The following MARCHF3 variants were observed in gnomAD, a reference collection of about 807,000 sequenced individuals.
MARCHF3 encodes membrane associated ring-CH-type finger 3.
A neutral mutation model predicts 24.2 loss-of-function variants in MARCHF3; 13 were observed. That is an observed-to-expected ratio of 0.54 (90% CI 0.35 to 0.85). The LOEUF is 0.85. MARCHF3 is among the 40% of genes least tolerant of loss of function. The probability of loss-of-function intolerance (pLI) is 0.01; values close to 1 mark genes in which losing one functional copy is unlikely to be tolerated. For synonymous variants in MARCHF3, 144 were observed against 137.3 expected (o/e 1.05, Z -0.34); for missense variants, 276 against 325.0 (o/e 0.85, Z 1.16).
At chr5:126,936,071 A>G (rs1026043834) in intron 1 of MARCHF3, among the ~76,000 whole-genome samples, 1 of 152,262 alleles carries the variant, frequency 6.6e-6, no homozygotes, top group South Asian at 2.1e-4. Context: ...CTACACACCG[A>G]AAGAGTGTTT....
chr5:126,918,175 AACAG>A lies in MARCHF3; in HGVS notation c.-8_-5del, dbSNP rs781001059. On this transcript the variant is annotated 5_prime_UTR_variant, in exon 2 of 5. Coordinates refer to ENST00000308660, the MANE Select transcript of MARCHF3 (RefSeq NM_178450.5). Reference sequence around the variant, plus strand: ...GACTGCAGCGGCTGGTTGTCATGGTAACAGACAGCAATTACTCTGCTAATGGCTT... The same window carrying A: ...GACTGCAGCGGCTGGTTGTCATGGTAACAGCAATTACTCTGCTAATGGCTT... 18 of 1,611,508 alleles carry A rather than the reference AACAG, an allele frequency of 1.1e-5. No individual in the cohort carries two copies. The highest frequency in any genetic ancestry group is 3.3e-5 in the Admixed American group (2 of 59,840).
At position 126,929,259 on chromosome 5, in the gene MARCHF3, C is replaced by T. The variant is rs184704507; in HGVS notation, c.-56-11032G>A. 7.9e-5 allele frequency among the ~76,000 whole-genome samples: 12 copies of T among 152,192 alleles called. No homozygotes were observed. The East Asian group carries it at 1.5e-3, about 20-fold the overall frequency. ...TCTCTTTCCTGTATTTTCTGGAACC[C>T]CAGGATTGGCTTGATTCATTTCAGG... On this transcript the variant is annotated intron_variant, in intron 1 of 4. Transcript: ENST00000308660.
At chr5:126,938,048 C>T (rs1749703643) in intron 1 of MARCHF3, among the ~76,000 whole-genome samples, 1 of 151,856 alleles carries the variant, frequency 6.6e-6, no homozygotes, top group South Asian at 2.1e-4. Flanking sequence ...CTAAATTTTA[C>T]AATACATAGT....
rs1753364275 is a variant in MARCHF3, at chr5:126,882,207, AC to A, written c.394-3814del. Among the ~76,000 whole-genome samples, 4 of 152,310 alleles carry A rather than the reference AC, an allele frequency of 2.6e-5. No homozygotes were observed. The South Asian group carries it at 8.3e-4, about 32-fold the overall frequency. On this transcript the variant is annotated intron_variant, in intron 3 of 4. Coordinates refer to ENST00000308660, the MANE Select transcript of MARCHF3 (RefSeq NM_178450.5). ...TTTCCTGCTAACATTTTCTTTTTGT[AC>A]CAAATGGCATTTGTGTGTGTATGCT...
chr5:126,999,864 A>T (rs990813536), intron 1 of MARCHF3, among the ~76,000 whole-genome samples: 7 of 152,120 alleles, frequency 4.6e-5, no homozygotes, highest in African/African-American at 1.7e-4. Context: ...TTGAATCCAT[A>T]TTATGGAAAC....
intron 1 of MARCHF3, among the ~76,000 whole-genome samples, chr5:126,955,078 C>A (rs746181740): frequency 6.6e-6 from 1 of 152,204 alleles, no homozygotes; most frequent in Non-Finnish European, 1.5e-5. Context: ...TGAAATCTAT[C>A]CATGTTGATA....
rs527302630 is a variant in MARCHF3, at chr5:126,983,243, A to G, written c.-57+47107T>C. On this transcript the variant is annotated intron_variant, in intron 1 of 4. Transcript: ENST00000308660. ...TTCACAAGAATGCTGCCTGTTTTTC[A>G]GTAAATGAAGGGACAGATGATCCTT... Among the ~76,000 whole-genome samples, 9 of 152,318 alleles carry G rather than the reference A, an allele frequency of 5.9e-5. No homozygotes were observed. In the South Asian group the frequency reaches 1.7e-3, roughly 28 times the overall value.
At chr5:126,966,712 C>A (rs1379645493) in intron 1 of MARCHF3, among the ~76,000 whole-genome samples, 1 of 151,756 alleles carries the variant, frequency 6.6e-6, no homozygotes, top group East Asian at 1.9e-4. Flanking sequence ...CATATTTAAT[C>A]CTCTCTGAAT....
chr5:127,003,279 A>G (rs1050277029), intron 1 of MARCHF3, among the ~76,000 whole-genome samples: 1 of 151,294 alleles, frequency 6.6e-6, no homozygotes, highest in Admixed American at 6.6e-5. Context: ...GGAGATCAAG[A>G]CCACAGTGAA....
At chr5:126,888,155 C>T (rs1373897938) in intron 3 of MARCHF3, among the ~76,000 whole-genome samples, 2 of 152,250 alleles carry the variant, frequency 1.3e-5, no homozygotes, top group South Asian at 2.1e-4. Context: ...TATATAAGAC[C>T]ATTTGCTTGG....
At chr5:126,937,265 C>A (rs1749675661) in intron 1 of MARCHF3, among the ~76,000 whole-genome samples, 1 of 152,182 alleles carries the variant, frequency 6.6e-6, no homozygotes, top group South Asian at 2.1e-4. Context: ...CAGACAATGA[C>A]CCAGACAGGA....
At chr5:126,924,236 C>T (rs574623991) in intron 1 of MARCHF3, among the ~76,000 whole-genome samples, 10 of 152,198 alleles carry the variant, frequency 6.6e-5, no homozygotes, top group Non-Finnish European at 1.2e-4. Flanking sequence ...CAGAGTTCTG[C>T]GTCATTAATG....
chr5:126,918,192 C>T lies in MARCHF3; in HGVS notation c.-21G>A, dbSNP rs757301262. The T allele has an allele frequency of 6.2e-7, 1 of 1,601,380 alleles. No homozygotes were observed. The highest frequency in any genetic ancestry group is 1.1e-5 in the South Asian group (1 of 89,514). The stretch of plus-strand genomic sequence containing the variant: ...GTCATGGTAACAGACAGCAATTACT[C>T]TGCTAATGGCTTCCACATTCATACA... On this transcript the variant is annotated 5_prime_UTR_variant, in exon 2 of 5. Coordinates refer to ENST00000308660, the MANE Select transcript of MARCHF3 (RefSeq NM_178450.5).
At chr5:126,914,185 G>A (rs1184591310) in intron 3 of MARCHF3, among the ~76,000 whole-genome samples, 2 of 151,636 alleles carry the variant, frequency 1.3e-5, no homozygotes, top group East Asian at 3.9e-4. Context: ...GGGTTTCACA[G>A]TGTTAGCCAG....
At chr5:126,912,758 T>C (rs1324943349) in intron 3 of MARCHF3, among the ~76,000 whole-genome samples, 1 of 152,258 alleles carries the variant, frequency 6.6e-6, no homozygotes, top group African/African-American at 2.4e-5. Context: ...CTTCTTTTTA[T>C]TGCTTGTGGT....
intron 1 of MARCHF3, among the ~76,000 whole-genome samples, chr5:126,967,163 G>C (rs2126826473): frequency 6.6e-6 from 1 of 151,542 alleles, no homozygotes; most frequent in South Asian, 2.1e-4. Flanking sequence ...ACTATATGTA[G>C]AACAGTGATC....
intron 3 of MARCHF3, among the ~76,000 whole-genome samples, chr5:126,896,394 G>C (rs1168502339): frequency 6.6e-6 from 1 of 152,126 alleles, no homozygotes; most frequent in Non-Finnish European, 1.5e-5. Context: ...CATGACATCA[G>C]GGACTGGCAT....
chr5:126,955,661 G>A lies in MARCHF3; in HGVS notation c.-56-37434C>T, dbSNP rs993199179. 3.9e-5 allele frequency among the ~76,000 whole-genome samples: 6 copies of A among 152,088 alleles called. No homozygotes were observed. The South Asian group carries it at 6.2e-4, about 16-fold the overall frequency. Reference sequence around the variant, plus strand: ...AACCCATTTCTGTAGTAAGTTGTCCGTCTTTTTTATACTGATTTGTAAGGA... The same window carrying A: ...AACCCATTTCTGTAGTAAGTTGTCCATCTTTTTTATACTGATTTGTAAGGA... On this transcript the variant is annotated intron_variant, in intron 1 of 4. Transcript: ENST00000308660.
At chr5:126,928,830 TTTA>T (rs1749386322) in intron 1 of MARCHF3, among the ~76,000 whole-genome samples, 1 of 152,250 alleles carries the variant, frequency 6.6e-6, no homozygotes, top group Admixed American at 6.5e-5. Flanking sequence ...TTCCTTCCTT[TTTA>T]TTATGATTTT....
Sources: gnomAD v4.1 joint callset for allele counts (sites outside exome capture counted in the v4.1 genomes callset) on GRCh38, gnomAD v4.1.1 for gene constraint, MANE v1.5 for transcripts, NCBI Gene and HGNC (gene_info 2026-07-23, HGNC 2026-07-21) for gene names.